Variants in BRPF1 observed in about 807,000 individuals in gnomAD.
The protein encoded by BRPF1 is peregrin.
A neutral mutation model predicts 115.0 loss-of-function variants in BRPF1; 15 were observed. The ratio of observed to expected loss-of-function variants is 0.13; its 90% CI spans 0.09 to 0.20. The LOEUF (loss-of-function observed/expected upper bound fraction) is 0.20, where lower values mean the gene tolerates loss of function less well. Ranked by LOEUF, BRPF1 falls within the 10% of genes least tolerant of loss-of-function variation. The pLI, the probability that BRPF1 is intolerant of heterozygous loss-of-function variation, is 1.00. For missense variants in BRPF1, 1,118 were observed against 1,638.3 expected, an observed-to-expected ratio of 0.68 and a Z score of 5.48; for synonymous variants, 647 against 619.8, an observed-to-expected ratio of 1.04 and a Z score of -0.65.
intron 6 of BRPF1, chr3:9,742,623 T>G (rs1030137858): frequency 2.2e-6 from 2 of 908,274 alleles, no homozygotes; most frequent in Non-Finnish European, 2.6e-6. Flanking sequence ...CAAGGTGGTG[T>G]TTATTTTCAG....
chr3:9,741,163 C>T, intron 4 of BRPF1, 145 bp from the exon 5 acceptor site: 1 of 1,128,520 alleles, frequency 8.9e-7, no homozygotes, highest in Non-Finnish European at 1.3e-6. Context: ...TCTGCCAGGC[C>T]TTGGGGACAC....
Position 9,731,915 on chromosome 3 carries a change from G to C in BRPF1, c.-234G>C, listed in dbSNP as rs1001725433. ...GAAACGGGCGGCGGCCGACGGAGTT[G>C]AGACCCCAGGGCGCCGGCGGGACCA... is the stretch of plus-strand genomic sequence containing the variant. On this transcript the variant is annotated 5_prime_UTR_variant, in exon 1 of 14. Transcript: ENST00000383829. The C allele has an allele frequency of 6.6e-6, 1 of 152,428 alleles. No homozygotes were observed. Among genetic ancestry groups the C allele is most frequent in the Non-Finnish European group, 1.5e-5 (1 of 68,158 alleles). The allele number at this position is 152,428 out of a possible 1,614,324, so 9.4% of individuals were successfully genotyped here. A position where few individuals can be genotyped will look rare whatever the true frequency, so the allele number is the denominator to read the frequency against.
At position 9,745,950 on chromosome 3, in the gene BRPF1, A is replaced by G. The variant is rs768548322; in HGVS notation, c.3324+20A>G. 6.3e-7 allele frequency: 1 copy of G among 1,596,920 alleles called. No individual in the cohort carries two copies. The highest frequency in any genetic ancestry group is 1.7e-5 in the Admixed American group (1 of 57,810). On this transcript the variant is annotated intron_variant, in intron 12 of 13. Transcript: ENST00000383829. The surrounding 1 kb of genome is among the most constrained non-coding windows in gnomAD (Gnocchi z 5.1). ...GCTCTGGTATGCTTGCTTCTGTTAC[A>G]CTTCTTGCTTTCCAATCCCAGAATA... is the stretch of plus-strand genomic sequence containing the variant.
intron 3 of BRPF1, 149 bp from the exon 4 acceptor site, chr3:9,740,630 C>T: frequency 2.0e-6 from 2 of 1,011,278 alleles, no homozygotes; most frequent in Non-Finnish European, 2.9e-6. Flanking sequence ...ACTCTTTCTT[C>T]CTTGCCTTAA....
chr3:9,733,593 T>C (rs2076891740), intron 1 of BRPF1, among the ~76,000 whole-genome samples: 1 of 152,168 alleles, frequency 6.6e-6, no homozygotes, highest in Non-Finnish European at 1.5e-5. Context: ...TTTGAGCTGG[T>C]TTTTTGAAGA....
chr3:9,736,457 C>T (rs2076943450), intron 2 of BRPF1, among the ~76,000 whole-genome samples: 2 of 152,220 alleles, frequency 1.3e-5, no homozygotes, highest in Non-Finnish European at 2.9e-5. Context: ...TGGCTTTCCA[C>T]AGTCTTTCTC....
chr3:9,746,605 G>C, intron 13 of BRPF1, 151 bp downstream of exon 13: 4 of 977,886 alleles, frequency 4.1e-6, no homozygotes, highest in Non-Finnish European at 4.2e-6. Context: ...GAGCGAAAGG[G>C]TTGTGTCGAC....
At chr3:9,742,670 A>G (rs1456739681) in intron 6 of BRPF1, 2 of 580,440 alleles carry the variant, frequency 3.4e-6, no homozygotes, top group Non-Finnish European at 4.3e-6. Context: ...AAAGCCTCAT[A>G]TAGTCTAGAA....
Position 9,743,447 on chromosome 3 carries a change from T to C in BRPF1, c.2312-131T>C, listed in dbSNP as rs1445635045. 1 of 1,233,888 alleles carries C rather than the reference T, an allele frequency of 8.1e-7. No homozygotes were observed. The highest frequency in any genetic ancestry group is 1.1e-6 in the Non-Finnish European group (1 of 884,918). 76.4% of individuals were successfully genotyped at this position (1,233,888 alleles called of 1,614,324 possible). ...CAGTGCCCGCCATTCCACATCTTGG[T>C]GCTGCTATTTTACAGCTGTTCCTGG... is the stretch of plus-strand genomic sequence containing the variant. On this transcript the variant is annotated intron_variant, in intron 7 of 13. Transcript: ENST00000383829. This position sits in a 1 kb window ranked among gnomAD's most constrained non-coding sequence, Gnocchi z 6.1.
chr3:9,746,776 G>A (rs2077133846), intron 13 of BRPF1, among the ~76,000 whole-genome samples: 1 of 151,842 alleles, frequency 6.6e-6, no homozygotes, highest in African/African-American at 2.4e-5. Flanking sequence ...GACAAAATGA[G>A]GATAAAGCAG....
chr3:9,739,215 G>T lies in BRPF1; in HGVS notation c.816G>T (p.Glu272Asp). 1 of 1,613,646 alleles carries T rather than the reference G, an allele frequency of 6.2e-7. No individual in the cohort carries two copies. Among genetic ancestry groups the T allele is most frequent in the South Asian group, 1.1e-5 (1 of 91,062 alleles). ...GCGACCCTAATGCGCTAGTGGACGA[G>T]GATGCTGTTTGCTGTATCTGCAATG... The part of the protein sequence containing the change: ...NKGDPNALVD[E>D]DAVCCICNDG... Residue 272 changes from glutamate (E) to aspartate (D), a missense_variant, in exon 3 of 14, where the codon GAG becomes GAT. Physicochemically the swap from Glu to Asp is conservative, Grantham distance 45. This residue lies in a region of BRPF1 where 280 missense variants were observed against 382.8 expected (regional missense o/e 0.73). Coordinates refer to ENST00000383829, the MANE Select transcript of BRPF1 (RefSeq NM_001003694.2).
chr3:9,747,169 G>T lies in BRPF1; in HGVS notation c.3483G>T (p.Gln1161His). The T allele has an allele frequency of 6.2e-7, 1 of 1,614,158 alleles. No individual in the cohort carries two copies. Among genetic ancestry groups the T allele is most frequent in the Non-Finnish European group, 8.5e-7 (1 of 1,180,036 alleles). ...VLFFDNKRTW[Q>H]WLPRTKLVPL... ...TGATCTTCACCTTATCCTATAGGCA[G>T]TGGCTGCCCAGGACCAAGCTGGTTC... is the stretch of plus-strand genomic sequence containing the variant. Residue 1161 changes from glutamine (Q) to histidine (H), a missense_variant, in exon 14 of 14, where the codon CAG (glutamine) becomes CAT (histidine). Around this residue, in one of 10 missense-constraint regions of BRPF1, gnomAD observed 76 missense variants for 166.1 expected, o/e 0.46. Transcript: ENST00000383829. This position sits in a 1 kb window ranked among gnomAD's most constrained non-coding sequence, Gnocchi z 5.6.
chr3:9,746,029 A>T, intron 12 of BRPF1, 99 bp downstream of exon 12: 2 of 1,375,584 alleles, frequency 1.5e-6, no homozygotes, highest in Non-Finnish European at 1.0e-6. Context: ...TGGGGCACAG[A>T]GTTTCTTGGT....
At position 9,734,444 on chromosome 3, in the gene BRPF1, G is replaced by C. The variant is rs1269643206; in HGVS notation, c.304G>C (p.Asp102His). 1.2e-6 allele frequency: 2 copies of C among 1,614,002 alleles called. No individual in the cohort carries two copies. Among genetic ancestry groups the C allele is most frequent in the Non-Finnish European group, 1.7e-6 (2 of 1,180,046 alleles). Reference protein sequence around the residue: ...YAQAQRMVEVDLHGRVHRISI... With the variant: ...YAQAQRMVEVHLHGRVHRISI... ...ACAGGCCCAGCGCATGGTGGAGGTGGACTTGCATGGCCGCGTCCACCGCAT... is the reference window on the plus strand; with the variant it reads ...ACAGGCCCAGCGCATGGTGGAGGTGCACTTGCATGGCCGCGTCCACCGCAT... The change falls in exon 2 of 14, where the codon GAC becomes CAC. Residue 102 changes from aspartate (D) to histidine (H), a missense_variant. Physicochemically the swap from Asp to His is moderately conservative, Grantham distance 81. Around this residue, in one of 10 missense-constraint regions of BRPF1, gnomAD observed 280 missense variants for 382.8 expected, o/e 0.73. Transcript: ENST00000383829. This position sits in a 1 kb window ranked among gnomAD's most constrained non-coding sequence, Gnocchi z 5.7.
In BRPF1 at chr3:9,747,374, T is replaced by G. The variant is rs371210376; in HGVS notation, c.*25T>G. On this transcript the variant is annotated 3_prime_UTR_variant, in exon 14 of 14. Coordinates refer to ENST00000383829, the MANE Select transcript of BRPF1 (RefSeq NM_001003694.2). This position sits in a 1 kb window ranked among gnomAD's most constrained non-coding sequence, Gnocchi z 5.6. ...ATACTGCTCAACACAGCCCAACCTA[T>G]AGTGCCCTGTGACTTCTCTCCTCCC... 7 of 1,604,864 alleles carry G rather than the reference T, an allele frequency of 4.4e-6. No homozygotes were observed. The highest frequency in any genetic ancestry group is 6.0e-6 in the Non-Finnish European group (7 of 1,173,426).
chr3:9,746,974 G>A lies in BRPF1; in HGVS notation c.3480-192G>A, dbSNP rs150136105. 1.5e-3 allele frequency among the ~76,000 whole-genome samples: 233 copies of A among 152,166 alleles called. 1 individual carries two copies. In the East Asian group the frequency reaches 0.032, roughly 21 times the overall value. ...ATAAATACCCTGTGATTACCCTCCC[G>A]CCGCCACCACACAGTATAACTGTTG... On this transcript the variant is annotated intron_variant, in intron 13 of 13. Coordinates refer to ENST00000383829, the MANE Select transcript of BRPF1 (RefSeq NM_001003694.2).
intron 5 of BRPF1, 100 bp downstream of exon 5, chr3:9,741,539 AG>A (rs1028483995): frequency 8.4e-7 from 1 of 1,187,352 alleles, no homozygotes; most frequent in African/African-American, 1.6e-5. Flanking sequence ...CGGGAGGCTG[AG>A]GCAGGAGAAT....
chr3:9,741,438 C>T lies in BRPF1; in HGVS notation c.1853C>T (p.Thr618Met), dbSNP rs748408460. The T allele has an allele frequency of 6.3e-6, 10 of 1,586,266 alleles. No homozygotes were observed. Among genetic ancestry groups the T allele is most frequent in the East Asian group, 2.3e-5 (1 of 44,102 alleles). Reference sequence around the variant, plus strand: ...AAGCGGGAAAAACTCAAAAGGGAGACGGTGAGTGCTCCTGGGCCAGCCCTA... The same window carrying T: ...AAGCGGGAAAAACTCAAAAGGGAGATGGTGAGTGCTCCTGGGCCAGCCCTA... ...IRKREKLKRE[T>M]IKVQQIAMEM... The change falls in exon 5 of 14, where the codon ACG becomes ATG. Residue 618 changes from threonine (T) to methionine (M), a missense_variant and splice_region_variant. Thr to Met is a moderately conservative substitution (Grantham distance 81). This residue lies in a region of BRPF1 where 178 missense variants were observed against 303.7 expected (regional missense o/e 0.59). Coordinates refer to ENST00000383829, the MANE Select transcript of BRPF1 (RefSeq NM_001003694.2).
rs1448995691 is a variant in BRPF1 at position 9,745,502 on chromosome 3, T to C, written c.3069-71T>C. ...CTCAGACCCTGCGGGCTTTAAGAGC[T>C]GAGGGCACATACCATGCTGTTCCCC... On this transcript the variant is annotated intron_variant, in intron 10 of 13. Coordinates refer to ENST00000383829, the MANE Select transcript of BRPF1 (RefSeq NM_001003694.2). This position sits in a 1 kb window ranked among gnomAD's most constrained non-coding sequence, Gnocchi z 5.1. 6.5e-7 allele frequency: 1 copy of C among 1,544,070 alleles called. No homozygotes were observed.
Sources: gnomAD v4.1 joint callset for allele counts (sites outside exome capture counted in the v4.1 genomes callset) on GRCh38, gnomAD v4.1.1 for gene constraint, gnomAD v4.1.1 regional missense constraint, Gnocchi (gnomAD v3.1) non-coding constraint, MANE v1.5 for transcripts, NCBI Gene and HGNC (gene_info 2026-07-23, HGNC 2026-07-21) for gene names.